Variants in EFL1 observed in about 807,000 individuals in gnomAD.
EFL1 encodes the protein elongation factor like GTPase 1, also known as elongation factor-like GTPase 1.
EFL1 carries 76 observed loss-of-function variants against 126.7 expected under a neutral mutation model. That is an observed-to-expected ratio of 0.60 (90% CI 0.50 to 0.73). The LOEUF (loss-of-function observed/expected upper bound fraction) is 0.73. Among genes scored for constraint, EFL1 ranks in the 30% least tolerant of loss-of-function variants. The pLI, the probability that EFL1 is intolerant of heterozygous loss-of-function variation, is 0.00. For missense variants in EFL1, 1,128 were observed against 1,343.2 expected (o/e 0.84, Z 2.50); for synonymous variants, 410 against 448.4 (o/e 0.91, Z 1.08).
At chr15:82,234,742 T>C (rs1403936320) in intron 7 of EFL1, among the ~76,000 whole-genome samples, 1 of 152,136 alleles carries the variant, frequency 6.6e-6, no homozygotes. Context: ...TGATATAAAT[T>C]TCATGAAGAG....
chr15:82,154,523 T>C (rs543595550), intron 17 of EFL1, among the ~76,000 whole-genome samples: 1 of 151,598 alleles, frequency 6.6e-6, no homozygotes, highest in South Asian at 2.1e-4. Flanking sequence ...GTAATAGTCA[T>C]ATAGAACAGT....
intron 18 of EFL1, among the ~76,000 whole-genome samples, chr15:82,149,123 A>G (rs538551468): frequency 6.6e-6 from 1 of 152,180 alleles, no homozygotes; most frequent in Non-Finnish European, 1.5e-5. Flanking sequence ...ATAAGAAATC[A>G]ATGTGTTAAG....
chr15:82,173,157 A>G (rs1436391961), intron 15 of EFL1, among the ~76,000 whole-genome samples: 2 of 152,220 alleles, frequency 1.3e-5, no homozygotes, highest in Non-Finnish European at 1.5e-5. Flanking sequence ...GATTGAAAAA[A>G]TAAATTATAA....
intron 15 of EFL1, among the ~76,000 whole-genome samples, chr15:82,210,133 T>C (rs2074568633): frequency 6.6e-6 from 1 of 152,236 alleles, no homozygotes; most frequent in Admixed American, 6.5e-5. Context: ...TCTCTTTATA[T>C]GTGTCCTGTC....
chr15:82,225,305 TATTA>T, intron 11 of EFL1, 41 bp from the exon 12 acceptor site: 1 of 1,409,346 alleles, frequency 7.1e-7, no homozygotes, highest in Non-Finnish European at 9.6e-7. Flanking sequence ...TTTTTCCCAT[TATTA>T]AAAAAAAAAA....
chr15:82,217,208 T>C lies in EFL1; in HGVS notation c.1612-2353A>G, dbSNP rs2074656482. 2.0e-5 allele frequency among the ~76,000 whole-genome samples: 3 copies of C among 151,848 alleles called. No individual in the cohort carries two copies. The South Asian group carries it at 6.2e-4, about 31-fold the overall frequency. ...AACAACTGTAACTGTTAAACACTCC[T>C]ATTGGGAGTGTAAATCAGAACTACT... is the stretch of plus-strand genomic sequence containing the variant. On this transcript the variant is annotated intron_variant, in intron 14 of 19. Coordinates refer to ENST00000268206, the MANE Select transcript of EFL1 (RefSeq NM_024580.6).
intron 15 of EFL1, among the ~76,000 whole-genome samples, chr15:82,200,742 C>T (rs2141281205): frequency 1.3e-5 from 2 of 152,340 alleles, no homozygotes; most frequent in South Asian, 4.1e-4. Flanking sequence ...TAAAACATCA[C>T]TACTCTGATA....
intron 15 of EFL1, among the ~76,000 whole-genome samples, chr15:82,200,741 A>G (rs2074459097): frequency 6.6e-6 from 1 of 152,208 alleles, no homozygotes; most frequent in South Asian, 2.1e-4. Flanking sequence ...TTAAAACATC[A>G]CTACTCTGAT....
intron 19 of EFL1, among the ~76,000 whole-genome samples, chr15:82,134,815 T>C (rs1308286189): frequency 1.3e-5 from 2 of 152,204 alleles, no homozygotes; most frequent in African/African-American, 4.8e-5. Context: ...GGGTAAAACA[T>C]AGAAAGAGAA....
At chr15:82,226,165 G>GT (rs908525991) in intron 11 of EFL1, among the ~76,000 whole-genome samples, 37 of 149,796 alleles carry the variant, frequency 2.5e-4, no homozygotes, top group African/African-American at 8.5e-4. Flanking sequence ...TGTTGTTGTT[G>GT]TTGTTTGTTT....
intron 6 of EFL1, among the ~76,000 whole-genome samples, chr15:82,238,975 A>G (rs1219830121): frequency 6.6e-6 from 1 of 151,958 alleles, no homozygotes; most frequent in East Asian, 1.9e-4. Flanking sequence ...TTCACTCCCA[A>G]ATAGGCAGTA....
At chr15:82,244,275 C>T (rs575680352) in intron 4 of EFL1, among the ~76,000 whole-genome samples, 2 of 152,210 alleles carry the variant, frequency 1.3e-5, no homozygotes, top group South Asian at 4.1e-4. Context: ...TAAAAAATGC[C>T]ACTTACCACT....
At chr15:82,172,866 ATCACT>A (rs1244304419) in intron 15 of EFL1, among the ~76,000 whole-genome samples, 1 of 152,220 alleles carries the variant, frequency 6.6e-6, no homozygotes, top group East Asian at 1.9e-4. Flanking sequence ...TTTATTGTAA[ATCACT>A]TCACTTTTAT....
rs55933319 is a variant in EFL1 at position 82,193,242 on chromosome 15, T to A, written c.1750+21475A>T. On this transcript the variant is annotated intron_variant, in intron 15 of 19. Transcript: ENST00000268206. ...GAACAGTTAACTTAATGATCAAATATACTTGACAGAGATCTTGGTGGAGAA... is the reference window on the plus strand; with the variant it reads ...GAACAGTTAACTTAATGATCAAATAAACTTGACAGAGATCTTGGTGGAGAA... Among the ~76,000 whole-genome samples, 1,053 of 152,324 alleles carry A rather than the reference T, an allele frequency of 6.9e-3. 10 individuals are homozygous for A. Among genetic ancestry groups the A allele is most frequent in the Non-Finnish European group, 8.2e-3 (556 of 68,012 alleles).
chr15:82,253,130 C>G (rs147306219), intron 3 of EFL1, among the ~76,000 whole-genome samples: 197 of 152,148 alleles, frequency 1.3e-3, no homozygotes, highest in Non-Finnish European at 2.4e-3. Context: ...ACTCTACTTC[C>G]CAGGTTCAAG....
intron 19 of EFL1, among the ~76,000 whole-genome samples, chr15:82,137,611 G>A (rs2073735823): frequency 6.6e-6 from 1 of 152,154 alleles, no homozygotes; most frequent in Non-Finnish European, 1.5e-5. Flanking sequence ...TTGAAACCAG[G>A]ACTCTCTGAC....
intron 2 of EFL1, among the ~76,000 whole-genome samples, chr15:82,259,931 T>G (rs1214875792): frequency 6.6e-6 from 1 of 152,222 alleles, no homozygotes; most frequent in African/African-American, 2.4e-5. Flanking sequence ...AATGTAAATA[T>G]GTATTAGCAT....
At position 82,238,275 on chromosome 15, in the gene EFL1, A is replaced by G. The variant is rs745685859; in HGVS notation, c.731+32T>C. 23 of 1,600,694 alleles carry G rather than the reference A, an allele frequency of 1.4e-5. No homozygotes were observed. The East Asian group carries it at 4.7e-4, about 33-fold the overall frequency. ...ACAATCAACTGCATATAAAATCTGC[A>G]AAGAGATTTAATCAGATGCAAACAG... On this transcript the variant is annotated intron_variant, in intron 7 of 19. Transcript: ENST00000268206.
chr15:82,173,208 A>G (rs1458842939), intron 15 of EFL1, among the ~76,000 whole-genome samples: 1 of 152,212 alleles, frequency 6.6e-6, no homozygotes, highest in Non-Finnish European at 1.5e-5. Flanking sequence ...AAAAATCTGT[A>G]AAACATAAAA....
Sources: gnomAD v4.1 joint callset for allele counts (sites outside exome capture counted in the v4.1 genomes callset) on GRCh38, gnomAD v4.1.1 for gene constraint, MANE v1.5 for transcripts, NCBI Gene and HGNC (gene_info 2026-07-23, HGNC 2026-07-21) for gene names.